ARAP2: variants seen among roughly 807,000 people sequenced by gnomAD.
The protein encoded by ARAP2 is ArfGAP with RhoGAP domain, ankyrin repeat and PH domain 2, also known as arf-GAP with Rho-GAP domain, ANK repeat and PH domain-containing protein 2.
In ARAP2, 148 loss-of-function variants were observed where a neutral mutation model predicts 194.5. That is an observed-to-expected ratio of 0.76 (90% confidence interval 0.67 to 0.87). The LOEUF is 0.87. ARAP2 is among the 40% of genes least tolerant of loss of function. ARAP2 has a pLI of 0.00. For missense variants in ARAP2, 2,128 were observed against 1,989.7 expected (o/e 1.07, Z -1.32); for synonymous variants, 695 against 683.5 (o/e 1.02, Z -0.26).
intron 11 of ARAP2, among the ~76,000 whole-genome samples, chr4:36,164,464 T>C (rs1011543275): frequency 2.6e-5 from 4 of 152,194 alleles, no homozygotes; most frequent in African/African-American, 9.7e-5. Context: ...TCTTGTGAAA[T>C]GCTTCTTTAT....
chr4:36,199,404 G>A (rs748819506), intron 6 of ARAP2, among the ~76,000 whole-genome samples: 4 of 152,172 alleles, frequency 2.6e-5, no homozygotes, highest in Non-Finnish European at 5.9e-5. Flanking sequence ...TGTTTCTTCT[G>A]CCTCAGCTGA....
exon 4 of ARAP2, chr4:36,046,789 C>A (rs1206957167): frequency 6.6e-6 from 1 of 152,192 alleles, no homozygotes; most frequent in African/African-American, 2.4e-5. Context: ...CAGAGTAGAG[C>A]AAGTTCACCA....
intron 27 of ARAP2, among the ~76,000 whole-genome samples, 178 bp downstream of exon 27, chr4:36,107,387 C>T (rs1718684411): frequency 2.0e-5 from 3 of 152,022 alleles, no homozygotes; most frequent in Admixed American, 6.6e-5. Flanking sequence ...CAGAGCAACA[C>T]ATTGGGAAAA....
chr4:36,112,125 A>G (rs976855433), intron 26 of ARAP2, among the ~76,000 whole-genome samples: 2 of 151,952 alleles, frequency 1.3e-5, no homozygotes, highest in Admixed American at 6.6e-5. Flanking sequence ...ACCACAATCC[A>G]TATCACTCAG....
At chr4:36,159,097 G>A (rs1343636190) in intron 14 of ARAP2, among the ~76,000 whole-genome samples, 1 of 151,920 alleles carries the variant, frequency 6.6e-6, no homozygotes, top group Non-Finnish European at 1.5e-5. Context: ...TGATTATGTG[G>A]GATTAGCTAT....
At position 36,150,894 on chromosome 4, in the gene ARAP2, A is replaced by T; in HGVS notation, c.2897+6T>A. ...TTACCTCCTAATTGTGTAATGACAG[A>T]CCTACCCAGTATTTAAATAGAAGTC... On this transcript the variant is annotated splice_donor_region_variant and intron_variant, in intron 16 of 32. Transcript: ENST00000303965. 1 of 1,610,138 alleles carries T rather than the reference A, an allele frequency of 6.2e-7. No homozygotes were observed. Among genetic ancestry groups the T allele is most frequent in the Non-Finnish European group, 8.5e-7 (1 of 1,178,584 alleles).
At chr4:36,110,161 C>T (rs990360743) in intron 26 of ARAP2, among the ~76,000 whole-genome samples, 6 of 151,844 alleles carry the variant, frequency 4.0e-5, no homozygotes, top group Non-Finnish European at 7.4e-5. Context: ...AAAATCTTAA[C>T]TATTATAGTT....
chr4:36,137,677 G>A (rs1727171963), intron 19 of ARAP2, among the ~76,000 whole-genome samples: 1 of 151,582 alleles, frequency 6.6e-6, no homozygotes, highest in Non-Finnish European at 1.5e-5. Context: ...GAAACTAAGA[G>A]CCAGAAACAA....
chr4:36,046,126 A>T (rs1721793613), intron 4 of ARAP2: 1 of 152,164 alleles, frequency 6.6e-6, no homozygotes, highest in African/African-American at 2.4e-5. Context: ...CTAGGCATAT[A>T]TTGCAAAATA....
intron 5 of ARAP2, among the ~76,000 whole-genome samples, chr4:36,032,651 T>C (rs1207823045): frequency 1.3e-5 from 2 of 152,224 alleles, no homozygotes; most frequent in Non-Finnish European, 2.9e-5. Context: ...TCTTACCTTA[T>C]GACAGATTTT....
chr4:36,115,509 G>T (rs1192596283), intron 25 of ARAP2, among the ~76,000 whole-genome samples: 2 of 151,950 alleles, frequency 1.3e-5, no homozygotes, highest in Non-Finnish European at 2.9e-5. Flanking sequence ...AGGAAAACCA[G>T]AACTCTATTC....
chr4:36,216,282 G>A lies in ARAP2; in HGVS notation c.906-1802C>T, dbSNP rs113941615. ...AAAAATAAATAAAATAAACAAAATGGAAAAATGCAAATAGTTGTATCACAA... is the reference window on the plus strand; with the variant it reads ...AAAAATAAATAAAATAAACAAAATGAAAAAATGCAAATAGTTGTATCACAA... On this transcript the variant is annotated intron_variant, in intron 2 of 32. Transcript: ENST00000303965. 9.7e-3 allele frequency among the ~76,000 whole-genome samples: 1,474 copies of A among 151,994 alleles called. 10 individuals carry two copies. Among genetic ancestry groups the A allele is most frequent in the Non-Finnish European group, 0.014 (937 of 67,944 alleles).
chr4:36,177,297 T>C lies in ARAP2; in HGVS notation c.1857+530A>G, dbSNP rs556737837. On this transcript the variant is annotated intron_variant, in intron 9 of 32. Transcript: ENST00000303965. Reference sequence around the variant, plus strand: ...GCGTGTATAGCTAGATGTATGTATGTATGTGCACTTGAATTTGTACTTATA... The same window carrying C: ...GCGTGTATAGCTAGATGTATGTATGCATGTGCACTTGAATTTGTACTTATA... Among the ~76,000 whole-genome samples the C allele has an allele frequency of 3.9e-5, 6 of 152,290 alleles. No individual in the cohort carries two copies. The East Asian group carries it at 9.6e-4, about 24-fold the overall frequency.
At chr4:36,235,951 T>C (rs1019271378) in intron 1 of ARAP2, among the ~76,000 whole-genome samples, 2 of 151,858 alleles carry the variant, frequency 1.3e-5, no homozygotes, top group African/African-American at 4.8e-5. Context: ...CAGAGGTGGG[T>C]GGATTGCTTG....
chr4:36,224,301 TAA>T (rs11391127), intron 2 of ARAP2, among the ~76,000 whole-genome samples: 1 of 145,884 alleles, frequency 6.9e-6, no homozygotes, highest in Non-Finnish European at 1.5e-5. Context: ...AGAGTGAAAT[TAA>T]AAAAAAAAAA....
At chr4:36,078,289 T>C (rs1189278801) in intron 31 of ARAP2, among the ~76,000 whole-genome samples, 2 of 152,100 alleles carry the variant, frequency 1.3e-5, no homozygotes, top group East Asian at 1.9e-4. Context: ...CTAAGGGTGA[T>C]AGCCTGAAGG....
At chr4:36,197,988 G>T (rs746654047) in intron 6 of ARAP2, among the ~76,000 whole-genome samples, 2 of 152,212 alleles carry the variant, frequency 1.3e-5, no homozygotes, top group Non-Finnish European at 2.9e-5. Flanking sequence ...ATGAGAAGGC[G>T]AAGTGTTTCA....
chr4:36,155,267 A>T (rs576995415), intron 15 of ARAP2, among the ~76,000 whole-genome samples: 1 of 152,214 alleles, frequency 6.6e-6, no homozygotes, highest in Non-Finnish European at 1.5e-5. Flanking sequence ...GGGAAAGAGA[A>T]ACAAATAAAT....
intron 1 of ARAP2, among the ~76,000 whole-genome samples, chr4:36,230,901 A>T (rs1751321437): frequency 6.6e-6 from 1 of 152,248 alleles, no homozygotes; most frequent in Admixed American, 6.5e-5. Context: ...ATAGGATAAA[A>T]GGGAAAGAGT....
Sources: allele counts gnomAD v4.1 joint callset (sites outside exome capture counted in the v4.1 genomes callset), GRCh38; gene constraint gnomAD v4.1.1; transcripts MANE v1.5; gene names NCBI Gene and HGNC (gene_info 2026-07-23, HGNC 2026-07-21).